ZNF559: variants seen among roughly 807,000 people sequenced by gnomAD.
ZNF559 encodes the protein zinc finger protein 559.
A neutral mutation model predicts 14.2 loss-of-function variants in ZNF559; 17 were observed. The observed-to-expected ratio is 1.20, with a 90% CI of 0.82 to 1.80. The LOEUF (loss-of-function observed/expected upper bound fraction) is 1.80, where lower values mean the gene tolerates loss of function less well. Among genes scored for constraint, ZNF559 ranks in the 40% most tolerant of loss-of-function variants. The pLI, the probability that ZNF559 is intolerant of heterozygous loss-of-function variation, is 0.00. For synonymous variants in ZNF559, 244 were observed against 212.4 expected, an observed-to-expected ratio of 1.15 and a Z score of -1.29; for missense variants, 740 against 629.7, an observed-to-expected ratio of 1.18 and a Z score of -1.88.
rs1451096558 is a variant in ZNF559 at position 9,342,342 on chromosome 19, T to C, written c.891T>C (p.Tyr297=). 2 of 1,606,296 alleles carry C rather than the reference T, an allele frequency of 1.2e-6. No homozygotes were observed. Among genetic ancestry groups the C allele is most frequent in the Middle Eastern group, 3.3e-4 (2 of 6,006 alleles). ...GACTTAGAACTAGAGGAAAACACTA[T>C]GTTTGTAATGAATGTGGCAAAGAAT... is the stretch of plus-strand genomic sequence containing the variant. ...HIRLRTRGKH[Y]VCNECGKEFT... is the part of the protein sequence containing the mutation. The change falls in exon 7 of 7, where the codon TAT becomes TAC. Residue 297 remains tyrosine (Y), a synonymous_variant. Transcript: ENST00000603380.
intron 2 of ZNF559, among the ~76,000 whole-genome samples, chr19:9,330,662 C>A (rs894657509): frequency 6.6e-6 from 1 of 152,116 alleles, no homozygotes; most frequent in Non-Finnish European, 1.5e-5. Context: ...TTTATCATTT[C>A]AATCTCTGGG....
In ZNF559 at chr19:9,324,530, C is replaced by T. The variant is rs114484999; in HGVS notation, c.-205-165C>T. The stretch of plus-strand genomic sequence containing the variant: ...TCATAGGGCCCGGCGCGGCGGCTCA[C>T]GCCTGTCATTCCCAGCGCTTTGGGC... On this transcript the variant is annotated intron_variant, in intron 1 of 6. Transcript: ENST00000603380. 9.9e-3 allele frequency: 12,461 copies of T among 1,258,832 alleles called. 759 individuals are homozygous for T. In the African/African-American group the frequency reaches 0.15, roughly 15 times the overall value. 78.0% of individuals were successfully genotyped at this position (1,258,832 alleles called of 1,614,324 possible). A position where few individuals can be genotyped will look rare whatever the true frequency, so the allele number is the denominator to read the frequency against.
At chr19:9,326,745 A>G (rs1186356752) in intron 2 of ZNF559, among the ~76,000 whole-genome samples, 1 of 152,192 alleles carries the variant, frequency 6.6e-6, no homozygotes, top group African/African-American at 2.4e-5. Context: ...GACATTTCAC[A>G]CTTCTTTTGT....
Position 9,342,753 on chromosome 19 carries a change from A to T in ZNF559, c.1302A>T (p.Glu434Asp). Residue 434 changes from glutamate (E) to aspartate (D), a missense_variant, in exon 7 of 7, where the codon GAA becomes GAT. Coordinates refer to ENST00000603380, the MANE Select transcript of ZNF559 (RefSeq NM_032497.3). ...LIRHLRSHSA[E>D]RPFECEECGK... is the part of the protein sequence containing the mutation. ...GACATTTGAGAAGTCACAGTGCAGA[A>T]AGGCCTTTTGAATGTGAGGAATGTG... 1.2e-5 allele frequency: 20 copies of T among 1,614,188 alleles called. No individual in the cohort carries two copies. The highest frequency in any genetic ancestry group is 1.7e-5 in the Non-Finnish European group (20 of 1,180,036).
chr19:9,343,115 C>T lies in ZNF559; in HGVS notation c.*47C>T, dbSNP rs1317735310. On this transcript the variant is annotated 3_prime_UTR_variant, in exon 7 of 7. Transcript: ENST00000603380. Reference sequence around the variant, plus strand: ...GAATGTGGTAAAGCCACTACTTCCTCACACTTACTGAACATGTACTCATTC... The same window carrying T: ...GAATGTGGTAAAGCCACTACTTCCTTACACTTACTGAACATGTACTCATTC... 2 of 1,567,204 alleles carry T rather than the reference C, an allele frequency of 1.3e-6. No homozygotes were observed. The highest frequency in any genetic ancestry group is 1.8e-5 in the Admixed American group (1 of 56,886).
upstream of ZNF559, chr19:9,324,103 T>A: frequency 1.3e-6 from 2 of 1,499,178 alleles, no homozygotes; most frequent in Non-Finnish European, 1.8e-6. Context: ...CAGCAGCTGA[T>A]GGGCCCGGGA....
Position 9,342,389 on chromosome 19 carries a change from A to G in ZNF559, c.938A>G (p.Asn313Ser), listed in dbSNP as rs370128589. The G allele has an allele frequency of 1.9e-5, 31 of 1,610,370 alleles. No homozygotes were observed. Among genetic ancestry groups the G allele is most frequent in the Admixed American group, 3.4e-5 (2 of 59,202 alleles). ...GKEFTCFSKL[N>S]IHIRVHTGEK... Reference sequence around the variant, plus strand: ...GAATTTACTTGTTTCTCAAAACTCAACATTCACATAAGGGTTCACACTGGA... The same window carrying G: ...GAATTTACTTGTTTCTCAAAACTCAGCATTCACATAAGGGTTCACACTGGA... The change falls in exon 7 of 7, where the codon AAC becomes AGC. Residue 313 changes from asparagine to serine, a missense_variant. By Grantham distance (46) the Asn-to-Ser change is conservative. Transcript: ENST00000603380.
chr19:9,337,527 A>G (rs940737716), intron 2 of ZNF559, among the ~76,000 whole-genome samples: 1 of 152,094 alleles, frequency 6.6e-6, no homozygotes, highest in Non-Finnish European at 1.5e-5. Flanking sequence ...AATAAGAAGA[A>G]CCTCAGGAGT....
At position 9,338,537 on chromosome 19, in the gene ZNF559, T is replaced by C; in HGVS notation, c.-13T>C. The stretch of plus-strand genomic sequence containing the variant: ...TTTTCTGTCTTCATGAGTCAAAATT[T>C]GAAGAGGAAAGGATGGTGGCTGGGT... On this transcript the variant is annotated 5_prime_UTR_variant, in exon 4 of 7. Transcript: ENST00000603380. 6.2e-7 allele frequency: 1 copy of C among 1,614,122 alleles called. No homozygotes were observed. Among genetic ancestry groups the C allele is most frequent in the Non-Finnish European group, 8.5e-7 (1 of 1,179,972 alleles).
At chr19:9,326,579 C>T (rs1291426113) in intron 2 of ZNF559, among the ~76,000 whole-genome samples, 2 of 152,022 alleles carry the variant, frequency 1.3e-5, no homozygotes, top group Non-Finnish European at 2.9e-5. Context: ...AAATATAATG[C>T]AAGGCACAGA....
rs2067657114 is a variant in ZNF559 at position 9,343,173 on chromosome 19, G to A, written c.*105G>A. On this transcript the variant is annotated 3_prime_UTR_variant, in exon 7 of 7. Coordinates refer to ENST00000603380, the MANE Select transcript of ZNF559 (RefSeq NM_032497.3). ...CAATGTACACAGTCATAAGGAATGT[G>A]GGAAGCCTTCCTTGGTGTCTCAGAT... 3 of 1,503,164 alleles carry A rather than the reference G, an allele frequency of 2.0e-6. No individual in the cohort carries two copies. The highest frequency in any genetic ancestry group is 2.6e-6 in the Non-Finnish European group (3 of 1,134,994). The allele number at this position is 1,503,164 out of a possible 1,614,324, so 93.1% of individuals were successfully genotyped here. A position where few individuals can be genotyped will look rare whatever the true frequency, so the allele number is the denominator to read the frequency against.
At position 9,342,798 on chromosome 19, in the gene ZNF559, C is replaced by T. The variant is rs150845578; in HGVS notation, c.1347C>T (p.Ser449=). Residue 449 remains serine, a synonymous_variant, in exon 7 of 7, where the codon TCC becomes TCT. Coordinates refer to ENST00000603380, the MANE Select transcript of ZNF559 (RefSeq NM_032497.3). ...CEECGKAFRY[S]SHLSQHKRIH... is the part of the protein sequence containing the mutation. ...AATGTGGGAAAGCCTTTAGATACTC[C>T]TCGCACCTTAGTCAACATAAAAGAA... The T allele has an allele frequency of 3.7e-5, 60 of 1,613,940 alleles. 1 individual carries two copies. The African/African-American group carries it at 7.1e-4, about 19-fold the overall frequency.
At chr19:9,338,022 G>A in intron 3 of ZNF559, 164 bp downstream of exon 3, 1 of 1,535,824 alleles carries the variant, frequency 6.5e-7, no homozygotes, top group African/African-American at 1.4e-5. Flanking sequence ...TTTGTGGTAA[G>A]TCCGTATTGA....
intron 2 of ZNF559, chr19:9,332,887 T>G (rs1028417643): frequency 6.6e-6 from 1 of 152,218 alleles, no homozygotes; most frequent in Non-Finnish European, 1.5e-5. Context: ...TGTAGTTATG[T>G]GGCTTGTGTT....
intron 5 of ZNF559, among the ~76,000 whole-genome samples, chr19:9,340,604 A>G (rs973689505): frequency 3.7e-5 from 5 of 136,074 alleles, no homozygotes; most frequent in African/African-American, 1.4e-4. Context: ...GTCTTGCTCT[A>G]TCGCCAGGCT....
rs771690519 is a variant in ZNF559 at position 9,342,635 on chromosome 19, C to T, written c.1184C>T (p.Ser395Phe). Residue 395 changes from serine (S) to phenylalanine (F), a missense_variant, in exon 7 of 7, where the codon TCC becomes TTC. By Grantham distance (155) the Ser-to-Phe change is radical (BLOSUM62 -2). Transcript: ENST00000603380. ...ECGKAFINSS[S>F]FKSHMQTHPG... ...GGAAAAGCCTTTATTAATTCCTCTT[C>T]CTTTAAAAGTCACATGCAGACTCAT... The T allele has an allele frequency of 2.2e-5, 36 of 1,613,792 alleles. No individual in the cohort carries two copies. In the Admixed American group the frequency reaches 6.0e-4, roughly 27 times the overall value.
chr19:9,324,290 G>C (rs751442820), intron 1 of ZNF559, 62 bp downstream of exon 1: 27 of 1,535,882 alleles, frequency 1.8e-5, no homozygotes, highest in Non-Finnish European at 2.4e-5. Context: ...GAGAGTAGAA[G>C]GGTGGAAAGG....
upstream of ZNF559, chr19:9,323,949 T>G: frequency 1.8e-6 from 1 of 571,056 alleles, no homozygotes; most frequent in Non-Finnish European, 3.1e-6. Context: ...ATTCTTTCTT[T>G]GCTTTGCTGG....
In ZNF559 at chr19:9,343,662, GA is replaced by G; in HGVS notation, c.*596del. On this transcript the variant is annotated 3_prime_UTR_variant, in exon 7 of 7. Transcript: ENST00000603380. ...GTGAAAGAGATGTTGGAAAGCCCTT[GA>G]ACTTGGTCGTTAGGAAACATCCACA... 1 of 987,828 alleles carries G rather than the reference GA, an allele frequency of 1.0e-6. No homozygotes were observed. Among genetic ancestry groups the G allele is most frequent in the South Asian group, 4.6e-5 (1 of 21,516 alleles). 61.2% of individuals were successfully genotyped at this position (987,828 alleles called of 1,614,324 possible). A position where few individuals can be genotyped will look rare whatever the true frequency, so the allele number is the denominator to read the frequency against.
Sources: gnomAD v4.1 joint callset for allele counts (sites outside exome capture counted in the v4.1 genomes callset) on GRCh38, gnomAD v4.1.1 for gene constraint, MANE v1.5 for transcripts, NCBI Gene and HGNC (gene_info 2026-07-23, HGNC 2026-07-21) for gene names.